Variants in ADGRG6 observed in about 807,000 individuals in gnomAD.
ADGRG6 encodes G-protein coupled receptor 126.
A neutral mutation model predicts 142.4 loss-of-function variants in ADGRG6; 84 were observed. That is an observed-to-expected ratio of 0.59 (90% CI 0.49 to 0.71). ADGRG6 has a LOEUF of 0.71. Among genes scored for constraint, ADGRG6 ranks in the 30% least tolerant of loss-of-function variants. ADGRG6 has a pLI of 0.00. For missense variants in ADGRG6, 1,367 were observed against 1,466.6 expected (o/e 0.93, Z 1.11); for synonymous variants, 521 against 520.5 (o/e 1.00, Z -0.01).
chr6:142,396,607 C>T (rs1775208757), intron 9 of ADGRG6, among the ~76,000 whole-genome samples: 1 of 152,028 alleles, frequency 6.6e-6, no homozygotes, highest in Non-Finnish European at 1.5e-5. Flanking sequence ...CTAGACATTC[C>T]ATAACTAGTT....
intron 21 of ADGRG6, 91 bp from the exon 22 acceptor site, chr6:142,419,730 C>T: frequency 1.1e-6 from 1 of 951,028 alleles, no homozygotes; most frequent in Non-Finnish European, 1.6e-6. Context: ...AGAGGAAAAT[C>T]TGCAGTAGCC....
chr6:142,353,130 GT>G (rs1159245632), intron 2 of ADGRG6, among the ~76,000 whole-genome samples: 4 of 152,034 alleles, frequency 2.6e-5, no homozygotes, highest in Non-Finnish European at 4.4e-5. Context: ...CTCTACTTCC[GT>G]TTTTATTGGA....
chr6:142,330,656 T>C (rs1764708334), intron 2 of ADGRG6, among the ~76,000 whole-genome samples: 1 of 152,174 alleles, frequency 6.6e-6, no homozygotes. Context: ...GAGAAGAAGA[T>C]GGATTTGATT....
intron 9 of ADGRG6, among the ~76,000 whole-genome samples, chr6:142,394,909 T>A (rs1248288580): frequency 2.6e-5 from 4 of 152,138 alleles, no homozygotes; most frequent in Non-Finnish European, 4.4e-5. Flanking sequence ...TACAATTTTT[T>A]AAAAATTTGT....
intron 2 of ADGRG6, among the ~76,000 whole-genome samples, chr6:142,346,166 TGGA>T (rs1779891058): frequency 6.6e-6 from 1 of 152,150 alleles, no homozygotes; most frequent in African/African-American, 2.4e-5. Flanking sequence ...GCATCAGTCT[TGGA>T]GGCTCAGAAG....
chr6:142,414,599 C>G (rs1444690516), intron 18 of ADGRG6, among the ~76,000 whole-genome samples: 3 of 152,086 alleles, frequency 2.0e-5, no homozygotes, highest in Non-Finnish European at 4.4e-5. Flanking sequence ...TGAACTGGTG[C>G]CCCAAGCCCT....
In ADGRG6 at chr6:142,435,168, T is replaced by G. The variant is rs574973020; in HGVS notation, c.3320-2266T>G. 1.9e-3 allele frequency among the ~76,000 whole-genome samples: 284 copies of G among 152,148 alleles called. 2 individuals are homozygous for G. Among genetic ancestry groups the G allele is most frequent in the Non-Finnish European group, 3.4e-3 (233 of 68,028 alleles). On this transcript the variant is annotated intron_variant, in intron 22 of 24. Coordinates refer to ENST00000367609, the MANE Select transcript of ADGRG6 (RefSeq NM_198569.3). ...GTTTTACATTTATGCCATTCCATACTAGACCCTTTGTTCCATGAATACAAG... is the reference window on the plus strand; with the variant it reads ...GTTTTACATTTATGCCATTCCATACGAGACCCTTTGTTCCATGAATACAAG...
At chr6:142,303,330 C>T (rs1777320423) in intron 1 of ADGRG6, among the ~76,000 whole-genome samples, 1 of 152,142 alleles carries the variant, frequency 6.6e-6, no homozygotes, top group Non-Finnish European at 1.5e-5. Context: ...GACCTGCCCC[C>T]TAGGTCCTGT....
At chr6:142,430,053 G>C (rs563800080) in intron 22 of ADGRG6, among the ~76,000 whole-genome samples, 18 of 151,674 alleles carry the variant, frequency 1.2e-4, no homozygotes, top group African/African-American at 4.4e-4. Flanking sequence ...CTTGTCTCAG[G>C]GGAAAAAAAA....
At chr6:142,338,155 C>T (rs1041154190) in intron 2 of ADGRG6, among the ~76,000 whole-genome samples, 29 of 150,660 alleles carry the variant, frequency 1.9e-4, no homozygotes, top group African/African-American at 6.1e-4. Context: ...CGAGTAGCTG[C>T]GACTACAGGC....
chr6:142,303,703 G>A (rs1232490857), intron 1 of ADGRG6, among the ~76,000 whole-genome samples: 1 of 151,878 alleles, frequency 6.6e-6, no homozygotes, highest in Non-Finnish European at 1.5e-5. Context: ...AATATACTAG[G>A]GATTTTACAG....
At chr6:142,365,850 AATAGTAGT>A (rs1211698711) in intron 2 of ADGRG6, among the ~76,000 whole-genome samples, 3 of 152,214 alleles carry the variant, frequency 2.0e-5, no homozygotes. Context: ...ATCATAGAAG[AATAGTAGT>A]ATTTGTAGTA....
In ADGRG6 at chr6:142,400,474, T is replaced by C; in HGVS notation, c.1568-11T>C. 4 of 1,285,660 alleles carry C rather than the reference T, an allele frequency of 3.1e-6. No individual in the cohort carries two copies. The highest frequency in any genetic ancestry group is 4.6e-5 in the East Asian group (2 of 43,266). 79.6% of individuals were successfully genotyped at this position (1,285,660 alleles called of 1,614,324 possible). A position where few individuals can be genotyped will look rare whatever the true frequency, so the allele number is the denominator to read the frequency against. On this transcript the variant is annotated splice_polypyrimidine_tract_variant and intron_variant, in intron 10 of 24. Coordinates refer to ENST00000367609, the MANE Select transcript of ADGRG6 (RefSeq NM_198569.3). ...TGAATATTTCTCATGCTGGTTCTTA[T>C]GTTCATATAGGTCATTGTCTTGCCA...
At position 142,405,773 on chromosome 6, in the gene ADGRG6, C is replaced by T. The variant is rs1775773787; in HGVS notation, c.2213C>T (p.Ser738Phe). 2 of 1,607,422 alleles carry T rather than the reference C, an allele frequency of 1.2e-6. No individual in the cohort carries two copies. The highest frequency in any genetic ancestry group is 1.7e-6 in the Non-Finnish European group (2 of 1,175,036). The change falls in exon 15 of 25, where the codon TCT becomes TTT. Residue 738 changes from serine (S) to phenylalanine (F), a missense_variant. Ser to Phe is a radical substitution (Grantham distance 155). Transcript: ENST00000367609. ...NLLENLSPED[S>F]VLVRRAQFTF... is the part of the protein sequence containing the mutation. ...CTTGAGAATTTAAGTCCAGAAGATTCTGTATTAGTTAGAAGAGCACAGTTT... is the reference window on the plus strand; with the variant it reads ...CTTGAGAATTTAAGTCCAGAAGATTTTGTATTAGTTAGAAGAGCACAGTTT...
intron 22 of ADGRG6, among the ~76,000 whole-genome samples, chr6:142,428,674 A>C (rs2115148391): frequency 6.6e-6 from 1 of 152,234 alleles, no homozygotes; most frequent in South Asian, 2.1e-4. Flanking sequence ...GAACTGCCAA[A>C]CATTTATAAA....
chr6:142,370,169 G>T lies in ADGRG6; in HGVS notation c.446-1G>T. 1 of 1,591,282 alleles carries T rather than the reference G, an allele frequency of 6.3e-7. No homozygotes were observed. Among genetic ancestry groups the T allele is most frequent in the Non-Finnish European group, 8.6e-7 (1 of 1,163,162 alleles). ...ATCTTTCTTGTTATGTTTTGTCCTA[G>T]TTGCCGTGTCCTTAAGGAATCAAAA... is the stretch of plus-strand genomic sequence containing the variant. On this transcript the variant is annotated splice_acceptor_variant, in intron 3 of 24. Coordinates refer to ENST00000367609, the MANE Select transcript of ADGRG6 (RefSeq NM_198569.3). LOFTEE classifies it high-confidence loss of function.
At chr6:142,410,623 ACTT>A (rs1184035105) in intron 17 of ADGRG6, among the ~76,000 whole-genome samples, 3 of 151,952 alleles carry the variant, frequency 2.0e-5, no homozygotes, top group Non-Finnish European at 4.4e-5. Flanking sequence ...AAGGGCAAAA[ACTT>A]CTTTTTTTGA....
intron 6 of ADGRG6, among the ~76,000 whole-genome samples, chr6:142,384,325 T>C (rs1781921453): frequency 6.6e-6 from 1 of 152,186 alleles, no homozygotes; most frequent in African/African-American, 2.4e-5. Context: ...TAGTAATACT[T>C]TGCTTTCTGT....
chr6:142,341,373 T>G (rs1292745322), intron 2 of ADGRG6, among the ~76,000 whole-genome samples: 1 of 126,900 alleles, frequency 7.9e-6, no homozygotes, highest in Non-Finnish European at 1.6e-5. Context: ...AGAATATATA[T>G]TATATATATA....
Sources: gnomAD v4.1 joint callset for allele counts (sites outside exome capture counted in the v4.1 genomes callset) on GRCh38, gnomAD v4.1.1 for gene constraint, MANE v1.5 for transcripts, NCBI Gene and HGNC (gene_info 2026-07-23, HGNC 2026-07-21) for gene names.